The following PTPRD variants were observed in gnomAD, a reference collection of about 807,000 sequenced individuals.
PTPRD encodes the protein receptor-type tyrosine-protein phosphatase delta.
PTPRD carries 34 observed loss-of-function variants against 214.5 expected under a neutral mutation model. The ratio of observed to expected loss-of-function variants is 0.16; its 90% CI spans 0.12 to 0.21. The LOEUF (loss-of-function observed/expected upper bound fraction) is 0.21, where lower values mean the gene tolerates loss of function less well. PTPRD is among the 10% of genes least tolerant of loss of function. The pLI is 1.00. For synonymous variants in PTPRD, 1,128 were observed against 845.7 expected (o/e 1.33, Z -5.79); for missense variants, 2,545 against 2,398.7 (o/e 1.06, Z -1.27).
intron 4 of PTPRD, among the ~76,000 whole-genome samples, chr9:9,985,724 A>G (rs1212852632): frequency 6.6e-6 from 1 of 151,988 alleles, no homozygotes; most frequent in African/African-American, 2.4e-5. Context: ...AAGTGATATT[A>G]GAAAAATTGA....
At chr9:10,277,135 G>C (rs1219560574) in intron 3 of PTPRD, among the ~76,000 whole-genome samples, 1 of 151,690 alleles carries the variant, frequency 6.6e-6, no homozygotes, top group Non-Finnish European at 1.5e-5. Context: ...GTCTCATGCA[G>C]TATCATCTTT....
At chr9:10,604,177 ATTCTGACC>A (rs2078700229) in intron 2 of PTPRD, among the ~76,000 whole-genome samples, 2 of 738 alleles carry the variant, frequency 2.7e-3, no homozygotes, top group Non-Finnish European at 0.015. Flanking sequence ...ATTCTGACCT[ATTCTGACC>A]ATATTCTGAC....
chr9:10,526,209 T>C lies in PTPRD; in HGVS notation c.-600+86189A>G, dbSNP rs546613222. Among the ~76,000 whole-genome samples the C allele has an allele frequency of 1.4e-4, 21 of 152,162 alleles. No homozygotes were observed. The East Asian group carries it at 3.9e-3, about 28-fold the overall frequency. On this transcript the variant is annotated intron_variant, in intron 2 of 45. Coordinates refer to ENST00000381196, the MANE Select transcript of PTPRD (RefSeq NM_002839.4). ...AGTCTTTGAAGAATAAAATAGCGCA[T>C]TTCATTCAGATGAAGTTCTGTTGAG...
chr9:8,603,700 G>C (rs909095467), intron 14 of PTPRD, among the ~76,000 whole-genome samples: 8 of 152,094 alleles, frequency 5.3e-5, no homozygotes, highest in Admixed American at 3.3e-4. Context: ...TTGATGAAAA[G>C]TACATGTCCT....
At chr9:8,941,614 A>T (rs529705582) in intron 11 of PTPRD, among the ~76,000 whole-genome samples, 1 of 152,278 alleles carries the variant, frequency 6.6e-6, no homozygotes, top group Admixed American at 6.5e-5. Flanking sequence ...ATGTAAATTT[A>T]AAGTACTACA....
At chr9:9,937,728 A>C (rs1239776179) in intron 5 of PTPRD, among the ~76,000 whole-genome samples, 1 of 152,108 alleles carries the variant, frequency 6.6e-6, no homozygotes, top group East Asian at 1.9e-4. Flanking sequence ...GAAACTGTGG[A>C]AGACAGATTG....
chr9:10,216,369 GT>G (rs1564583211), intron 3 of PTPRD, among the ~76,000 whole-genome samples: 1 of 151,844 alleles, frequency 6.6e-6, no homozygotes. Flanking sequence ...ATAGATACAG[GT>G]GGGGGTTCAC....
rs770178021 is a variant in PTPRD, at chr9:8,339,080, C to T, written c.5254-33G>A. 6.3e-5 allele frequency: 101 copies of T among 1,594,844 alleles called. 1 individual carries two copies. In the Admixed American group the frequency reaches 8.0e-4, roughly 13 times the overall value. On this transcript the variant is annotated intron_variant, in intron 42 of 45. Coordinates refer to ENST00000381196, the MANE Select transcript of PTPRD (RefSeq NM_002839.4). ...GAGAGAAGATTAATGTTAAACTATG[C>T]AAAGTATAAAGAACATTCTGTATAT...
chr9:9,821,917 A>G (rs966611186), intron 5 of PTPRD, among the ~76,000 whole-genome samples: 4 of 149,136 alleles, frequency 2.7e-5, no homozygotes, highest in Non-Finnish European at 4.5e-5. Context: ...GATTTATGAC[A>G]TATATATTTA....
intron 14 of PTPRD, among the ~76,000 whole-genome samples, chr9:8,581,125 G>A (rs964203394): frequency 4.6e-5 from 7 of 152,062 alleles, no homozygotes; most frequent in Non-Finnish European, 1.0e-4. Flanking sequence ...GTTCTACCTG[G>A]AAGCTGGAAC....
intron 3 of PTPRD, among the ~76,000 whole-genome samples, chr9:10,210,364 G>T (rs2099509823): frequency 6.6e-6 from 1 of 152,060 alleles, no homozygotes; most frequent in Non-Finnish European, 1.5e-5. Flanking sequence ...AAACACAATT[G>T]AGGCATTTTC....
chr9:9,337,373 A>G (rs1384785081), intron 9 of PTPRD, among the ~76,000 whole-genome samples: 1 of 152,116 alleles, frequency 6.6e-6, no homozygotes, highest in African/African-American at 2.4e-5. Flanking sequence ...TCTATCTTCA[A>G]AAAGAAGACT....
intron 35 of PTPRD, among the ~76,000 whole-genome samples, chr9:8,426,696 T>A (rs1355937616): frequency 6.6e-6 from 1 of 151,970 alleles, no homozygotes; most frequent in Non-Finnish European, 1.5e-5. Context: ...AAACGAGTTA[T>A]GTGAGAGTCC....
intron 12 of PTPRD, among the ~76,000 whole-genome samples, chr9:8,641,191 G>C (rs188406239): frequency 6.7e-6 from 1 of 148,404 alleles, no homozygotes; most frequent in Admixed American, 6.6e-5. Context: ...TTCAAGTAAA[G>C]CATAAAACAA....
At chr9:9,769,395 C>G (rs904396075) in intron 5 of PTPRD, among the ~76,000 whole-genome samples, 2 of 135,906 alleles carry the variant, frequency 1.5e-5, no homozygotes, top group African/African-American at 2.8e-5. Context: ...GTGCAATCTC[C>G]GCTCACTGCA....
intron 35 of PTPRD, among the ~76,000 whole-genome samples, chr9:8,410,584 T>G (rs576232844): frequency 1.3e-5 from 2 of 152,286 alleles, no homozygotes; most frequent in East Asian, 3.9e-4. Context: ...CTCTCAGTAT[T>G]AACAAATGAA....
At chr9:10,424,666 G>A (rs1648744235) in intron 2 of PTPRD, among the ~76,000 whole-genome samples, 1 of 151,864 alleles carries the variant, frequency 6.6e-6, no homozygotes, top group African/African-American at 2.4e-5. Context: ...AAGCAAAGGG[G>A]TTTGGAAACC....
At chr9:8,894,525 G>T (rs548845159) in intron 11 of PTPRD, among the ~76,000 whole-genome samples, 51 of 152,144 alleles carry the variant, frequency 3.4e-4, no homozygotes, top group African/African-American at 1.2e-3. Flanking sequence ...GGGTTGGGGG[G>T]TGCTTAGAAA....
chr9:9,934,104 T>C (rs1487232733), intron 5 of PTPRD, among the ~76,000 whole-genome samples: 2 of 149,668 alleles, frequency 1.3e-5, no homozygotes, highest in East Asian at 2.0e-4. Flanking sequence ...TTTATAGCAC[T>C]AAACGCCCAC....
Sources: gnomAD v4.1 joint callset for allele counts (sites outside exome capture counted in the v4.1 genomes callset) on GRCh38, gnomAD v4.1.1 for gene constraint, MANE v1.5 for transcripts, NCBI Gene and HGNC (gene_info 2026-07-23, HGNC 2026-07-21) for gene names.